PHTF2: variants seen among roughly 807,000 people sequenced by gnomAD.
The protein encoded by PHTF2 is putative homeodomain transcription factor 2, also known as protein PHTF2.
In PHTF2, 60 loss-of-function variants were observed where a neutral mutation model predicts 101.2. The ratio of observed to expected loss-of-function variants is 0.59; its 90% CI spans 0.48 to 0.73. The LOEUF (loss-of-function observed/expected upper bound fraction) is 0.73. Ranked by LOEUF, PHTF2 falls within the 30% of genes least tolerant of loss-of-function variation. The pLI, the probability that PHTF2 is intolerant of heterozygous loss-of-function variation, is 0.00. For missense variants in PHTF2, 747 were observed against 908.7 expected (o/e 0.82, Z 2.29); for synonymous variants, 311 against 307.3 (o/e 1.01, Z -0.13).
At chr7:77,922,017 CTTTTTTTTTT>C (rs35763664) in intron 10 of PHTF2, among the ~76,000 whole-genome samples, 4 of 95,266 alleles carry the variant, frequency 4.2e-5, no homozygotes, top group Admixed American at 2.4e-4. Context: ...GTTTATATTC[CTTTTTTTTTT>C]TTTTTTTTTT....
In PHTF2 at chr7:77,938,183, T is replaced by C. The variant is rs556452211; in HGVS notation, c.1467+345T>C. Among the ~76,000 whole-genome samples the C allele has an allele frequency of 2.7e-3, 414 of 152,248 alleles. 1 individual carries two copies. The highest frequency in any genetic ancestry group is 4.9e-3 in the Non-Finnish European group (332 of 67,996). On this transcript the variant is annotated intron_variant, in intron 13 of 19. Transcript: ENST00000416283. ...CTAGAGATTGTTGTTACAAGAACTT[T>C]AAAAATAAAAAAATAATTAAAAAGA...
At position 77,949,237 on chromosome 7, in the gene PHTF2, CT is replaced by C. The variant is rs150806171; in HGVS notation, c.1960-432del. On this transcript the variant is annotated intron_variant, in intron 16 of 19. Coordinates refer to ENST00000416283, the Ensembl canonical transcript of PHTF2. ...ATGTAACATTTATATAAACTTTTTC[CT>C]TTTTTTTTCCAACTCCCAAGTGCTT... is the stretch of plus-strand genomic sequence containing the variant. Among the ~76,000 whole-genome samples, 1,206 of 150,506 alleles carry C rather than the reference CT, an allele frequency of 8.0e-3. 18 individuals are homozygous for C. The highest frequency in any genetic ancestry group is 0.026 in the African/African-American group (1,088 of 41,130).
At chr7:77,845,637 G>A (rs1209398708) in intron 2 of PHTF2, among the ~76,000 whole-genome samples, 1 of 152,182 alleles carries the variant, frequency 6.6e-6, no homozygotes, top group African/African-American at 2.4e-5. Flanking sequence ...GTTAATGTGT[G>A]TGTGGGCATG....
chr7:77,850,641 CAAAAAAAA>C, intron 2 of PHTF2, among the ~76,000 whole-genome samples: 2 of 52,784 alleles, frequency 3.8e-5, no homozygotes, highest in Middle Eastern at 0.011. Flanking sequence ...GACCCTGTCT[CAAAAAAAA>C]AAAAAAAAAA....
intron 2 of PHTF2, among the ~76,000 whole-genome samples, chr7:77,841,164 C>G (rs1449665576): frequency 7.1e-6 from 1 of 140,082 alleles, no homozygotes; most frequent in Non-Finnish European, 1.5e-5. Flanking sequence ...ACTGCAACCT[C>G]TGCCTCCTGG....
chr7:77,939,683 A>G (rs1015135828), intron 13 of PHTF2, among the ~76,000 whole-genome samples: 3 of 152,072 alleles, frequency 2.0e-5, no homozygotes, highest in Admixed American at 6.6e-5. Context: ...TTTTTCTTCA[A>G]TGAACTGAAT....
chr7:77,849,426 C>A (rs1796564458), intron 2 of PHTF2, among the ~76,000 whole-genome samples: 1 of 152,204 alleles, frequency 6.6e-6, no homozygotes, highest in African/African-American at 2.4e-5. Flanking sequence ...GCGTGAGCCA[C>A]TGTGCCCAGC....
intron 1 of PHTF2, among the ~76,000 whole-genome samples, chr7:77,820,122 C>T (rs1339147499): frequency 6.6e-6 from 1 of 152,200 alleles, no homozygotes; most frequent in Non-Finnish European, 1.5e-5. Context: ...CTCTCGACCT[C>T]AGATGATCTG....
At chr7:77,839,425 GT>G (rs1240484879) in intron 1 of PHTF2, among the ~76,000 whole-genome samples, 1 of 152,116 alleles carries the variant, frequency 6.6e-6, no homozygotes, top group Non-Finnish European at 1.5e-5. Context: ...TTATGAAATG[GT>G]TTTTGGTATT....
chr7:77,891,571 A>G (rs1308391992), intron 3 of PHTF2, among the ~76,000 whole-genome samples: 3 of 104,120 alleles, frequency 2.9e-5, no homozygotes, highest in Non-Finnish European at 5.6e-5. Context: ...GGGGTATAAT[A>G]TGGTTTTTTT....
At chr7:77,868,597 A>T (rs1361621936) in intron 3 of PHTF2, among the ~76,000 whole-genome samples, 1 of 152,238 alleles carries the variant, frequency 6.6e-6, no homozygotes, top group Non-Finnish European at 1.5e-5. Flanking sequence ...TAGCACATTT[A>T]CTTAATTCTC....
intron 12 of PHTF2, among the ~76,000 whole-genome samples, chr7:77,937,430 G>A (rs74474640): frequency 0.021 from 3,178 of 152,174 alleles, 90 homozygotes; most frequent in African/African-American, 0.072. Flanking sequence ...AACTTGTACA[G>A]TTTCATAACC....
chr7:77,954,583 G>A (rs1384521468), intron 19 of PHTF2, among the ~76,000 whole-genome samples: 1 of 137,298 alleles, frequency 7.3e-6, no homozygotes, highest in Non-Finnish European at 1.5e-5. Context: ...TTAGGAAGGT[G>A]TAAGATAATC....
rs753417861 is a variant in PHTF2 at position 77,940,551 on chromosome 7, T to C, written c.1764T>C (p.Phe588=). The C allele has an allele frequency of 7.5e-6, 12 of 1,606,392 alleles. No individual in the cohort carries two copies. The Admixed American group carries it at 1.5e-4, about 20-fold the overall frequency. The change falls in exon 15 of 20, where the codon TTT becomes TTC. Residue 588 remains phenylalanine, a synonymous_variant. Coordinates refer to ENST00000416283, the Ensembl canonical transcript of PHTF2. ...AGCGATTACTTTTTGCAAAACTCTT[T>C]GGACATTTAACATCTGCAAGGAGGG...
intron 1 of PHTF2, among the ~76,000 whole-genome samples, chr7:77,808,959 A>G (rs61100223): frequency 0.12 from 17,654 of 152,160 alleles, 1,553 homozygotes; most frequent in African/African-American, 0.24. Context: ...CATCATGTCT[A>G]GAAGTGGGAA....
chr7:77,935,087 C>T (rs1804964970), intron 12 of PHTF2, among the ~76,000 whole-genome samples: 1 of 149,924 alleles, frequency 6.7e-6, no homozygotes, highest in East Asian at 2.0e-4. Flanking sequence ...ACACTGCAGA[C>T]ATGATTCAAC....
intron 9 of PHTF2, 106 bp downstream of exon 8, chr7:77,910,515 C>A: frequency 1.3e-6 from 1 of 750,322 alleles, no homozygotes; most frequent in South Asian, 2.2e-5. Flanking sequence ...GTGACAGCCT[C>A]ATTATGGATT....
intron 19 of PHTF2, 62 bp from the exon 19 acceptor site, chr7:77,954,796 G>A: frequency 1.1e-6 from 1 of 878,328 alleles, no homozygotes; most frequent in Non-Finnish European, 1.8e-6. Flanking sequence ...GGTGTTATAT[G>A]ATATAATTTA....
chr7:77,869,456 A>G (rs1452083245), intron 3 of PHTF2, among the ~76,000 whole-genome samples: 1 of 152,122 alleles, frequency 6.6e-6, no homozygotes, highest in Non-Finnish European at 1.5e-5. Flanking sequence ...CCTCCATGAG[A>G]TCAACTTTTA....
Sources: allele counts gnomAD v4.1 joint callset (sites outside exome capture counted in the v4.1 genomes callset), GRCh38; gene constraint gnomAD v4.1.1; transcripts MANE v1.5; gene names NCBI Gene and HGNC (gene_info 2026-07-23, HGNC 2026-07-21).